Variants in SPADH observed in about 807,000 individuals in gnomAD.
SPADH encodes spermadhesin family member, also known as CUB domain-containing protein.
At chr10:122,677,860 G>C in the SPADH span, among the ~76,000 whole-genome samples, 1 of 152,214 alleles carries the variant, frequency 6.6e-6, no homozygotes, top group Non-Finnish European at 1.5e-5. Flanking sequence ...GTGTGGCCAT[G>C]AAGACCCAGA....
the SPADH span, among the ~76,000 whole-genome samples, chr10:122,673,134 G>A: frequency 2.0e-5 from 3 of 152,202 alleles, no homozygotes; most frequent in South Asian, 2.1e-4. Flanking sequence ...TGATGCCATC[G>A]TGATTTTTAA....
chr10:122,676,405 A>T, the SPADH span, among the ~76,000 whole-genome samples: 1 of 152,240 alleles, frequency 6.6e-6, no homozygotes, highest in Non-Finnish European at 1.5e-5. Context: ...GCCTGCCCTA[A>T]GAAAAGATCT....
At chr10:122,679,325 T>G in the SPADH span, among the ~76,000 whole-genome samples, 91 of 152,220 alleles carry the variant, frequency 6.0e-4, no homozygotes, top group African/African-American at 2.1e-3. Flanking sequence ...GATATAGAAG[T>G]GGGTATCTCT....
the SPADH span, among the ~76,000 whole-genome samples, chr10:122,673,548 G>A: frequency 6.6e-6 from 1 of 152,218 alleles, no homozygotes; most frequent in African/African-American, 2.4e-5. Flanking sequence ...TGTGTCAACT[G>A]CATGAGGACT....
At chr10:122,675,986 T>C in the SPADH span, among the ~76,000 whole-genome samples, 1 of 152,200 alleles carries the variant, frequency 6.6e-6, no homozygotes, top group African/African-American at 2.4e-5. Context: ...TCCTGGAGGT[T>C]GGGAGCCTCT....
the SPADH span, chr10:122,676,705 C>T: frequency 2.0e-6 from 2 of 985,186 alleles, no homozygotes. Flanking sequence ...CAAGCCAATC[C>T]CAGACCTAGA....
At chr10:122,676,728 T>A in the SPADH span, 1 of 985,254 alleles carries the variant, frequency 1.0e-6, no homozygotes, top group Non-Finnish European at 1.2e-6. Flanking sequence ...ATCCCTGCAG[T>A]GCCTGGGCCC....
At chr10:122,674,001 C>G in the SPADH span, among the ~76,000 whole-genome samples, 1 of 152,320 alleles carries the variant, frequency 6.6e-6, no homozygotes, top group Admixed American at 6.5e-5. Context: ...TACAGTGAGG[C>G]CTTAGGGCAA....
the SPADH span, chr10:122,678,795 C>T: frequency 1.7e-6 from 1 of 582,752 alleles, no homozygotes; most frequent in Non-Finnish European, 2.2e-6. Context: ...AGGTGGCAGC[C>T]TGGCTGGAGG....
chr10:122,678,243 G>A, the SPADH span, among the ~76,000 whole-genome samples: 1 of 152,140 alleles, frequency 6.6e-6, no homozygotes, highest in Non-Finnish European at 1.5e-5. Flanking sequence ...AAGTAGGGAG[G>A]TCTCCTAGGA....
At chr10:122,679,421 C>T in the SPADH span, among the ~76,000 whole-genome samples, 1 of 151,520 alleles carries the variant, frequency 6.6e-6, no homozygotes, top group Non-Finnish European at 1.5e-5. Context: ...AGTATATGAA[C>T]TATATACTAT....
the SPADH span, among the ~76,000 whole-genome samples, chr10:122,678,353 G>A: frequency 6.6e-6 from 1 of 152,166 alleles, no homozygotes; most frequent in Admixed American, 6.6e-5. Flanking sequence ...GCTAGTGGGG[G>A]GTCATGCTTC....
At chr10:122,673,648 G>T in the SPADH span, among the ~76,000 whole-genome samples, 1 of 152,146 alleles carries the variant, frequency 6.6e-6, no homozygotes, top group Non-Finnish European at 1.5e-5. Context: ...TCTTCCCCTG[G>T]CTTCCTGTTT....
At chr10:122,676,928 T>C in the SPADH span, 1 of 985,200 alleles carries the variant, frequency 1.0e-6, no homozygotes, top group Non-Finnish European at 1.2e-6. Context: ...TTGATGTTGT[T>C]GGTATTTCTA....
chr10:122,679,038 C>T, the SPADH span: 1 of 984,970 alleles, frequency 1.0e-6, no homozygotes, highest in Non-Finnish European at 1.2e-6. Flanking sequence ...GACGCTTGGT[C>T]AACACATTAA....
chr10:122,673,235 C>A, the SPADH span, among the ~76,000 whole-genome samples: 3 of 152,204 alleles, frequency 2.0e-5, no homozygotes, highest in Admixed American at 6.5e-5. Context: ...CTGCAGGGCT[C>A]ACCCAGAAGT....
At chr10:122,677,857 C>T in the SPADH span, among the ~76,000 whole-genome samples, 1 of 152,162 alleles carries the variant, frequency 6.6e-6, no homozygotes, top group Non-Finnish European at 1.5e-5. Context: ...GATGTGTGGC[C>T]ATGAAGACCC....
chr10:122,676,819 C>G, the SPADH span: 3 of 985,056 alleles, frequency 3.0e-6, no homozygotes, highest in East Asian at 1.1e-4. Context: ...TACGCTGGGC[C>G]GAAAACTGAA....
the SPADH span, chr10:122,672,966 A>G: frequency 1.0e-6 from 1 of 979,940 alleles, no homozygotes; most frequent in Non-Finnish European, 1.2e-6. Flanking sequence ...TGGGCCTCGC[A>G]CTGTTTTCCT....
Sources: allele counts gnomAD v4.1 joint callset (sites outside exome capture counted in the v4.1 genomes callset), GRCh38; gene constraint gnomAD v4.1.1; transcripts MANE v1.5; gene names NCBI Gene and HGNC (gene_info 2026-07-23, HGNC 2026-07-21).